Variants in CD2AP observed in about 807,000 individuals in gnomAD.
CD2AP encodes the protein CD2-associated protein.
CD2AP carries 46 observed loss-of-function variants against 85.1 expected under a neutral mutation model. That is an observed-to-expected ratio of 0.54 (90% CI 0.43 to 0.69). CD2AP has a LOEUF of 0.69. Among genes scored for constraint, CD2AP ranks in the 30% least tolerant of loss-of-function variants. CD2AP has a pLI of 0.00. For synonymous variants in CD2AP, 255 were observed against 252.9 expected, an observed-to-expected ratio of 1.01 and a Z score of -0.08; for missense variants, 769 against 729.5, an observed-to-expected ratio of 1.05 and a Z score of -0.62.
chr6:47,625,606 G>A lies in CD2AP; in HGVS notation c.*1379G>A, dbSNP rs904349919. On this transcript the variant is annotated 3_prime_UTR_variant, in exon 18 of 18. Transcript: ENST00000359314. ...AAATTGTTTTATGCTTTATTATATC[G>A]CAAATGAGTGTCAGATTTTTGAGTA... 6.6e-5 allele frequency: 10 copies of A among 151,330 alleles called. No homozygotes were observed. The highest frequency in any genetic ancestry group is 2.1e-4 in the South Asian group (1 of 4,792). The allele number at this position is 151,330 out of a possible 1,614,324, so 9.4% of individuals were successfully genotyped here.
In CD2AP at chr6:47,502,483, G is replaced by C. The variant is rs1468443593; in HGVS notation, c.5-797G>C. ...TTGTTGTGTTGCCCTGGCTGGCCTC[G>C]AACTCCTGAGTTTTTTTTTTTTTTT... On this transcript the variant is annotated intron_variant, in intron 1 of 17. Coordinates refer to ENST00000359314, the MANE Select transcript of CD2AP (RefSeq NM_012120.3). Among the ~76,000 whole-genome samples, 18 of 149,934 alleles carry C rather than the reference G, an allele frequency of 1.2e-4. No individual in the cohort carries two copies. In the East Asian group the frequency reaches 3.3e-3, roughly 28 times the overall value.
intron 3 of CD2AP, among the ~76,000 whole-genome samples, chr6:47,540,209 A>T (rs1767174461): frequency 6.6e-6 from 1 of 151,080 alleles, no homozygotes; most frequent in African/African-American, 2.4e-5. Flanking sequence ...AAGAAAAAAT[A>T]CTAGTTACAG....
intron 2 of CD2AP, among the ~76,000 whole-genome samples, chr6:47,507,289 TGTG>T (rs1766198328): frequency 6.6e-6 from 1 of 152,356 alleles, no homozygotes; most frequent in Non-Finnish European, 1.5e-5. Flanking sequence ...CCTTTAGTGT[TGTG>T]ATCTGTTTCT....
At chr6:47,564,283 T>A (rs1403257434) in intron 5 of CD2AP, among the ~76,000 whole-genome samples, 1 of 152,130 alleles carries the variant, frequency 6.6e-6, no homozygotes, top group East Asian at 1.9e-4. Context: ...TGATACCTAC[T>A]TTTAACATTA....
chr6:47,577,106 A>G lies in CD2AP; in HGVS notation c.903+3A>G, dbSNP rs1433579709. On this transcript the variant is annotated splice_donor_region_variant and intron_variant, in intron 8 of 17. Transcript: ENST00000359314. ...AGATAATCCATTTGATAAGTAAGGT[A>G]AGGTGTTTCTGTTTTTCAGTGAATT... 1.4e-6 allele frequency: 2 copies of G among 1,439,750 alleles called. No individual in the cohort carries two copies. The highest frequency in any genetic ancestry group is 1.1e-5 in the South Asian group (1 of 87,118). The allele number at this position is 1,439,750 out of a possible 1,614,324, so 89.2% of individuals were successfully genotyped here. A position where few individuals can be genotyped will look rare whatever the true frequency, so the allele number is the denominator to read the frequency against.
At position 47,581,473 on chromosome 6, in the gene CD2AP, T is replaced by C. The variant is rs1043687825; in HGVS notation, c.1046-530T>C. Among the ~76,000 whole-genome samples, 10 of 152,304 alleles carry C rather than the reference T, an allele frequency of 6.6e-5. 1 individual carries two copies. The Middle Eastern group carries it at 0.01, about 155-fold the overall frequency. On this transcript the variant is annotated intron_variant, in intron 10 of 17. Coordinates refer to ENST00000359314, the MANE Select transcript of CD2AP (RefSeq NM_012120.3). The stretch of plus-strand genomic sequence containing the variant: ...TTTTTTAGAATAATTCAAGTCTTTT[T>C]GTCGCCCTTGGTTTTAGCTTTATAT...
rs140683024 is a variant in CD2AP, at chr6:47,621,078, A to G, written c.1879-3108A>G. The stretch of plus-strand genomic sequence containing the variant: ...TGCTCTGGCTAGGACTTCCAGTACT[A>G]TGTTGAAGAGGAGTGGTGAGAGCAG... On this transcript the variant is annotated intron_variant, in intron 17 of 17. Coordinates refer to ENST00000359314, the MANE Select transcript of CD2AP (RefSeq NM_012120.3). 7.8e-3 allele frequency among the ~76,000 whole-genome samples: 1,192 copies of G among 152,282 alleles called. 11 individuals are homozygous for G. Among genetic ancestry groups the G allele is most frequent in the African/African-American group, 0.026 (1,084 of 41,556 alleles).
chr6:47,591,721 T>G (rs1768798437), intron 11 of CD2AP, among the ~76,000 whole-genome samples: 1 of 152,210 alleles, frequency 6.6e-6, no homozygotes, highest in South Asian at 2.1e-4. Flanking sequence ...TGCTATATTC[T>G]GAAGCAAATA....
intron 4 of CD2AP, among the ~76,000 whole-genome samples, chr6:47,552,267 C>T (rs1202084731): frequency 6.6e-6 from 1 of 152,070 alleles, no homozygotes; most frequent in African/African-American, 2.4e-5. Context: ...GCACACTGTA[C>T]CTAATGTGTA....
chr6:47,568,470 G>T (rs190326702), intron 5 of CD2AP, among the ~76,000 whole-genome samples: 1 of 152,084 alleles, frequency 6.6e-6, no homozygotes, highest in Non-Finnish European at 1.5e-5. Context: ...GGCTGGGCGC[G>T]GTGGCTTATG....
At chr6:47,613,267 T>G (rs770107926) in intron 17 of CD2AP, among the ~76,000 whole-genome samples, 36 of 152,188 alleles carry the variant, frequency 2.4e-4, no homozygotes, top group Admixed American at 1.4e-3. Flanking sequence ...TTCCAAATGG[T>G]TTTCAGTTTA....
At chr6:47,542,742 C>G (rs1767249693) in intron 3 of CD2AP, among the ~76,000 whole-genome samples, 1 of 152,180 alleles carries the variant, frequency 6.6e-6, no homozygotes, top group East Asian at 1.9e-4. Flanking sequence ...TAAACCATAT[C>G]AGATACCTAG....
At chr6:47,583,210 A>G (rs1482280940) in intron 11 of CD2AP, among the ~76,000 whole-genome samples, 1 of 152,210 alleles carries the variant, frequency 6.6e-6, no homozygotes, top group African/African-American at 2.4e-5. Flanking sequence ...CACTGTTAAC[A>G]TTCTGTACCA....
chr6:47,607,980 C>T lies in CD2AP; in HGVS notation c.1584C>T (p.Ala528=), dbSNP rs1035545140. ...AGTTACCAAAAGAAGAAGACAGTGC[C>T]AACCTGAAGCCATCTGAATTAAAAA... The part of the protein sequence containing the change: ...ILKLPKEEDS[A]NLKPSELKKD... The change falls in exon 15 of 18, where the codon GCC becomes GCT. Residue 528 remains alanine, a synonymous_variant. Coordinates refer to ENST00000359314, the MANE Select transcript of CD2AP (RefSeq NM_012120.3). 1 of 1,612,958 alleles carries T rather than the reference C, an allele frequency of 6.2e-7. No individual in the cohort carries two copies. The highest frequency in any genetic ancestry group is 1.1e-5 in the South Asian group (1 of 91,036).
intron 7 of CD2AP, 65 bp downstream of exon 7, chr6:47,576,667 C>T: frequency 8.5e-7 from 1 of 1,174,820 alleles, no homozygotes; most frequent in Non-Finnish European, 1.3e-6. Flanking sequence ...TATTAAGAGA[C>T]TTGTTGGAAG....
chr6:47,561,426 A>G (rs1767858562), intron 5 of CD2AP, among the ~76,000 whole-genome samples: 1 of 151,798 alleles, frequency 6.6e-6, no homozygotes, highest in East Asian at 1.9e-4. Flanking sequence ...GCTCATTTTG[A>G]ACCTTCCCTA....
intron 11 of CD2AP, 81 bp from the exon 12 acceptor site, chr6:47,595,780 C>T (rs1015553726): frequency 8.4e-7 from 1 of 1,193,150 alleles, no homozygotes; most frequent in South Asian, 1.3e-5. Flanking sequence ...CACACTTTTC[C>T]AGCCTGATAC....
intron 13 of CD2AP, among the ~76,000 whole-genome samples, chr6:47,601,253 C>A (rs2114139364): frequency 6.6e-6 from 1 of 151,928 alleles, no homozygotes; most frequent in Middle Eastern, 3.4e-3. Context: ...ATATAGTAAA[C>A]AGAGACTTTG....
intron 1 of CD2AP, among the ~76,000 whole-genome samples, chr6:47,482,614 G>A (rs1348840242): frequency 6.6e-6 from 1 of 152,054 alleles, no homozygotes; most frequent in African/African-American, 2.4e-5. Context: ...TCCTGACCTT[G>A]TAATCTGCCC....
Sources: gnomAD v4.1 joint callset for allele counts (sites outside exome capture counted in the v4.1 genomes callset) on GRCh38, gnomAD v4.1.1 for gene constraint, MANE v1.5 for transcripts, NCBI Gene and HGNC (gene_info 2026-07-23, HGNC 2026-07-21) for gene names.